ANKLE2: variants seen among roughly 807,000 people sequenced by gnomAD.
ANKLE2 encodes ankyrin repeat and LEM domain containing 2.
A neutral mutation model predicts 84.2 loss-of-function variants in ANKLE2; 55 were observed. The ratio of observed to expected loss-of-function variants is 0.65; its 90% CI spans 0.53 to 0.82. The LOEUF is 0.82. ANKLE2 is among the 40% of genes least tolerant of loss of function. ANKLE2 has a pLI of 0.00. For synonymous variants in ANKLE2, 551 were observed against 486.1 expected (o/e 1.13, Z -1.76); for missense variants, 1,238 against 1,201.9 (o/e 1.03, Z -0.44).
rs185658117 is a variant in ANKLE2, at chr12:132,744,641, G to C, written c.1231-1365C>G. On this transcript the variant is annotated intron_variant, in intron 5 of 12. Coordinates refer to ENST00000357997, the MANE Select transcript of ANKLE2 (RefSeq NM_015114.3). The stretch of plus-strand genomic sequence containing the variant: ...ACCTGTACTCCATCCTTCTGTCCAG[G>C]GGCTGGCAAGCTTTCTTGGACAAGG... Among the ~76,000 whole-genome samples, 42 of 152,260 alleles carry C rather than the reference G, an allele frequency of 2.8e-4. 1 individual carries two copies. The East Asian group carries it at 7.7e-3, about 28-fold the overall frequency.
At chr12:132,748,383 C>G in intron 3 of ANKLE2, 52 bp from the exon 4 acceptor site, 1 of 1,599,926 alleles carries the variant, frequency 6.3e-7, no homozygotes, top group African/African-American at 1.3e-5. Context: ...AAAAGTCACT[C>G]ATCACCCATG....
In ANKLE2 at chr12:132,729,673, T is replaced by G; in HGVS notation, c.2483+6A>C. 1 of 1,584,194 alleles carries G rather than the reference T, an allele frequency of 6.3e-7. No individual in the cohort carries two copies. Among genetic ancestry groups the G allele is most frequent in the Non-Finnish European group, 8.6e-7 (1 of 1,167,502 alleles). ...AAAGTGAGTGCAGAGGGCAACACAC[T>G]CCTACCCAAAAAGGAAGAGCCGCCT... On this transcript the variant is annotated splice_donor_region_variant and intron_variant, in intron 11 of 12. Coordinates refer to ENST00000357997, the MANE Select transcript of ANKLE2 (RefSeq NM_015114.3).
At chr12:132,734,775 C>G in intron 9 of ANKLE2, 200 bp from the exon 10 acceptor site, 1 of 574,362 alleles carries the variant, frequency 1.7e-6, no homozygotes, top group Non-Finnish European at 3.0e-6. Context: ...TAAGCAGGAC[C>G]CGGCACAGCT....
chr12:132,744,617 C>T (rs1202962527), intron 5 of ANKLE2, among the ~76,000 whole-genome samples: 1 of 152,198 alleles, frequency 6.6e-6, no homozygotes, highest in Non-Finnish European at 1.5e-5. Context: ...CACCACGCTA[C>T]CTGTACTCCA....
Position 132,744,686 on chromosome 12 carries a change from A to G in ANKLE2, c.1231-1410T>C, listed in dbSNP as rs758021023. Among the ~76,000 whole-genome samples the G allele has an allele frequency of 1.8e-3, 274 of 152,072 alleles. 2 individuals are homozygous for G. The highest frequency in any genetic ancestry group is 3.3e-3 in the Non-Finnish European group (222 of 67,992). On this transcript the variant is annotated intron_variant, in intron 5 of 12. Transcript: ENST00000357997. ...ACAAGGACCAGATAGTAAGCACTAT[A>G]GACTTTTTTTTTGAGACAGAGTCTC...
chr12:132,728,312 C>T, intron 11 of ANKLE2, 149 bp from the exon 12 acceptor site: 1 of 917,494 alleles, frequency 1.1e-6, no homozygotes, highest in South Asian at 1.6e-5. Context: ...TCATCGCAAG[C>T]TCCGCCTCCC....
At chr12:132,737,370 G>A (rs2044033541) in intron 7 of ANKLE2, 2 of 291,976 alleles carry the variant, frequency 6.8e-6, no homozygotes, top group Admixed American at 4.7e-5. Context: ...GGTCGGACCT[G>A]AGTGAATAAG....
At position 132,754,928 on chromosome 12, in the gene ANKLE2, A is replaced by C; in HGVS notation, c.387T>G (p.Ala129=). The C allele has an allele frequency of 6.2e-7, 1 of 1,614,128 alleles. No homozygotes were observed. Among genetic ancestry groups the C allele is most frequent in the Non-Finnish European group, 8.5e-7 (1 of 1,180,014 alleles). The change falls in exon 2 of 13, where the codon GCT becomes GCG. Residue 129 remains alanine (A), a synonymous_variant. Transcript: ENST00000357997. ...SFYHHEAGVT[A]LSQDPQRILK... Reference sequence around the variant, plus strand: ...AAATCCTTTGTGGGTCCTGGCTGAGAGCTGTGACACCTGCCTCATGGTGGT... The same window carrying C: ...AAATCCTTTGTGGGTCCTGGCTGAGCGCTGTGACACCTGCCTCATGGTGGT...
chr12:132,740,151 G>C (rs973152743), intron 7 of ANKLE2, among the ~76,000 whole-genome samples: 1 of 152,234 alleles, frequency 6.6e-6, no homozygotes, highest in African/African-American at 2.4e-5. Context: ...TGTGTTCCCA[G>C]GGCCTCTGAA....
intron 6 of ANKLE2, chr12:132,741,831 C>G (rs1316256119): frequency 6.3e-6 from 3 of 476,062 alleles, no homozygotes; most frequent in South Asian, 4.6e-5. Context: ...TTGAGTTCCA[C>G]TTACAGGAAG....
Position 132,740,947 on chromosome 12 carries a change from C to T in ANKLE2, c.1420+472G>A, listed in dbSNP as rs187644482. ...AGGAGGAAGGAGGCAGCTTCAGAAT[C>T]GAAGGAGTGACAGGGAGCGACCCCC... On this transcript the variant is annotated intron_variant, in intron 7 of 12. Coordinates refer to ENST00000357997, the MANE Select transcript of ANKLE2 (RefSeq NM_015114.3). Among the ~76,000 whole-genome samples the T allele has an allele frequency of 1.1e-4, 17 of 150,552 alleles. No individual in the cohort carries two copies. The East Asian group carries it at 2.9e-3, about 26-fold the overall frequency.
chr12:132,753,170 C>T (rs188367719), intron 2 of ANKLE2, among the ~76,000 whole-genome samples: 25 of 151,930 alleles, frequency 1.6e-4, no homozygotes, highest in Non-Finnish European at 3.1e-4. Context: ...AAAACTGGCG[C>T]GTACTGGCAC....
Position 132,743,659 on chromosome 12 carries a change from T to A in ANKLE2, c.1231-383A>T, listed in dbSNP as rs76185369. 1.8e-3 allele frequency among the ~76,000 whole-genome samples: 262 copies of A among 148,444 alleles called. 1 individual carries two copies. The highest frequency in any genetic ancestry group is 3.6e-3 in the East Asian group (18 of 4,954). ...TCACCGAGCCTGGCTTATACTTTTT[T>A]AAAAAAAAAAAGACTCACAAACAAA... On this transcript the variant is annotated intron_variant, in intron 5 of 12. Coordinates refer to ENST00000357997, the MANE Select transcript of ANKLE2 (RefSeq NM_015114.3). This position sits in a 1 kb window ranked among gnomAD's most constrained non-coding sequence, Gnocchi z 4.1.
At chr12:132,750,517 C>T in intron 3 of ANKLE2, 126 bp downstream of exon 3, 1 of 934,512 alleles carries the variant, frequency 1.1e-6, no homozygotes, top group Non-Finnish European at 1.6e-6. Flanking sequence ...CCTCCTGGTC[C>T]ACTGAGACCC....
rs559613295 is a variant in ANKLE2 at position 132,733,104 on chromosome 12, G to A, written c.1891+1281C>T. ...ATACGCACCGTGTGAAGCTCTCTGC[G>A]TCCTGGTGTCTGATATGCACCGTGT... is the stretch of plus-strand genomic sequence containing the variant. On this transcript the variant is annotated intron_variant, in intron 10 of 12. Transcript: ENST00000357997. Among the ~76,000 whole-genome samples, 11 of 137,458 alleles carry A rather than the reference G, an allele frequency of 8.0e-5. No homozygotes were observed. In the East Asian group the frequency reaches 1.4e-3, roughly 18 times the overall value. 90.2% of individuals were successfully genotyped at this position (137,458 alleles called of 152,430 possible).
rs767710380 is a variant in ANKLE2 at position 132,748,015 on chromosome 12, C to A, written c.1047G>T (p.Gly349=). Residue 349 remains glycine (G), a synonymous_variant, in exon 5 of 13, where the codon GGG becomes GGT. Transcript: ENST00000357997. ...CAACATGCATCACGTTGTACCTGCA[C>A]CCTTCCTGAAAGAGAACCGCATGCT... ...SGDNPTIVQE[G]CRYNVMHVAA... is the part of the protein sequence containing the mutation. The A allele has an allele frequency of 1.3e-6, 2 of 1,598,302 alleles. No homozygotes were observed. The highest frequency in any genetic ancestry group is 1.7e-6 in the Non-Finnish European group (2 of 1,173,488).
rs1403412087 is a variant in ANKLE2, at chr12:132,733,117, ATATG to A, written c.1891+1264_1891+1267del. Among the ~76,000 whole-genome samples, 3 of 131,908 alleles carry A rather than the reference ATATG, an allele frequency of 2.3e-5. No individual in the cohort carries two copies. The East Asian group carries it at 7.3e-4, about 32-fold the overall frequency. The allele number at this position is 131,908 out of a possible 152,430, so 86.5% of individuals were successfully genotyped here. ...GAAGCTCTCTGCGTCCTGGTGTCTG[ATATG>A]CACCGTGTGAAGCACTGCGCGTCCT... is the stretch of plus-strand genomic sequence containing the variant. On this transcript the variant is annotated intron_variant, in intron 10 of 12. Coordinates refer to ENST00000357997, the MANE Select transcript of ANKLE2 (RefSeq NM_015114.3).
intron 7 of ANKLE2, chr12:132,738,123 C>G (rs1469295535): frequency 1.6e-5 from 1 of 62,514 alleles, no homozygotes; most frequent in Non-Finnish European, 3.1e-5. Flanking sequence ...GGCCTCCTCG[C>G]TTCTCAATCC....
chr12:132,760,504 G>C (rs951105774), intron 1 of ANKLE2: 1 of 152,280 alleles, frequency 6.6e-6, no homozygotes, highest in East Asian at 1.9e-4. Context: ...TGTTTGACCT[G>C]CGCTTGGGAC....
Sources: gnomAD v4.1 joint callset for allele counts (sites outside exome capture counted in the v4.1 genomes callset) on GRCh38, gnomAD v4.1.1 for gene constraint, Gnocchi (gnomAD v3.1) non-coding constraint, MANE v1.5 for transcripts, NCBI Gene and HGNC (gene_info 2026-07-23, HGNC 2026-07-21) for gene names.